Variants in AGBL1 observed in about 807,000 individuals in gnomAD.
The protein encoded by AGBL1 is cytosolic carboxypeptidase 4.
A neutral mutation model predicts 118.9 loss-of-function variants in AGBL1; 130 were observed. The observed-to-expected ratio is 1.09, with a 90% CI of 0.95 to 1.26. The LOEUF (loss-of-function observed/expected upper bound fraction) is 1.26. Ranked by LOEUF, AGBL1 falls within the 50% of genes most tolerant of loss-of-function variation. The pLI, the probability that AGBL1 is intolerant of heterozygous loss-of-function variation, is 0.00. For synonymous variants in AGBL1, 555 were observed against 478.9 expected (o/e 1.16, Z -2.08); for missense variants, 1,584 against 1,298.1 (o/e 1.22, Z -3.38).
rs146323681 is a variant in AGBL1, at chr15:86,620,199, C to G, written c.2995-54074C>G. The stretch of plus-strand genomic sequence containing the variant: ...AAAAGAAAGATCCATGAGGTCACAT[C>G]CAGTCTGTCTCTGGAGGATCAGGGC... On this transcript the variant is annotated intron_variant, in intron 21 of 22. Transcript: ENST00000614907. 3.8e-3 allele frequency among the ~76,000 whole-genome samples: 586 copies of G among 152,272 alleles called. 5 individuals carry two copies. Among genetic ancestry groups the G allele is most frequent in the African/African-American group, 0.014 (577 of 41,552 alleles).
chr15:86,820,136 T>G (rs1046933020), intron 22 of AGBL1, among the ~76,000 whole-genome samples: 1 of 152,150 alleles, frequency 6.6e-6, no homozygotes, highest in African/African-American at 2.4e-5. Context: ...TATACAAAAA[T>G]TAACTCAAGA....
chr15:86,919,696 G>C (rs536142878), downstream of AGBL1, among the ~76,000 whole-genome samples: 10 of 152,240 alleles, frequency 6.6e-5, no homozygotes, highest in South Asian at 8.3e-4. Context: ...CTGTTGCAGA[G>C]AGCAGTTTTT....
At chr15:86,242,131 C>T (rs183472535) in intron 6 of AGBL1, among the ~76,000 whole-genome samples, 99 of 152,258 alleles carry the variant, frequency 6.5e-4, no homozygotes, top group African/African-American at 2.4e-3. Flanking sequence ...TGTGAGGCCT[C>T]CCCAGCCTCA....
chr15:86,608,768 G>C (rs1017872276), intron 21 of AGBL1, among the ~76,000 whole-genome samples: 3 of 152,158 alleles, frequency 2.0e-5, no homozygotes, highest in African/African-American at 7.2e-5. Context: ...CAGATCTTCT[G>C]ATTTTTCAAG....
At chr15:86,472,986 A>G (rs965495668) in intron 18 of AGBL1, among the ~76,000 whole-genome samples, 1 of 152,258 alleles carries the variant, frequency 6.6e-6, no homozygotes, top group Non-Finnish European at 1.5e-5. Context: ...CACAGTTAAT[A>G]TTTTAATGGA....
rs556876782 is a variant in AGBL1, at chr15:86,909,451, G to T, written c.*2157G>T. On this transcript the variant is annotated 3_prime_UTR_variant, in exon 23 of 23. Coordinates refer to ENST00000614907, the MANE Select transcript of AGBL1 (RefSeq NM_001386094.1). Reference sequence around the variant, plus strand: ...ATTAGCTCCAAGGCATAGAAGAAAGGCATCTGTGTTGTGATTTTGGGAGTT... The same window carrying T: ...ATTAGCTCCAAGGCATAGAAGAAAGTCATCTGTGTTGTGATTTTGGGAGTT... The T allele has an allele frequency of 2.6e-5, 4 of 152,194 alleles. No individual in the cohort carries two copies. Among genetic ancestry groups the T allele is most frequent in the Non-Finnish European group, 5.9e-5 (4 of 68,042 alleles). The allele number at this position is 152,194 out of a possible 1,614,324, so 9.4% of individuals were successfully genotyped here.
chr15:86,750,501 A>G (rs2077833557), intron 22 of AGBL1, among the ~76,000 whole-genome samples: 2 of 151,454 alleles, frequency 1.3e-5, no homozygotes, highest in East Asian at 1.9e-4. Context: ...TTTAACAAGC[A>G]ATTGTAGTTG....
At position 86,741,381 on chromosome 15, in the gene AGBL1, C is replaced by CAAAA. The variant is rs570193876; in HGVS notation, c.3158+66982_3158+66985dup. 2.5e-3 allele frequency among the ~76,000 whole-genome samples: 76 copies of CAAAA among 30,504 alleles called. 13 individuals are homozygous for CAAAA. The highest frequency in any genetic ancestry group is 4.7e-3 in the African/African-American group (25 of 5,284). 20.0% of individuals were successfully genotyped at this position (30,504 alleles called of 152,430 possible). On this transcript the variant is annotated intron_variant, in intron 22 of 22. Transcript: ENST00000614907. ...AAGTGAACAGTGGTCTAAGGCAAAGCAAAAAAAAAAAAAAAAAAAAAAAAA... is the reference window on the plus strand; with the variant it reads ...AAGTGAACAGTGGTCTAAGGCAAAGCAAAAAAAAAAAAAAAAAAAAAAAAAAAAA...
In AGBL1 at chr15:86,315,735, AGT is replaced by A. The variant is rs1328364744; in HGVS notation, c.2374+20328_2374+20329del. On this transcript the variant is annotated intron_variant, in intron 17 of 22. Coordinates refer to ENST00000614907, the MANE Select transcript of AGBL1 (RefSeq NM_001386094.1). ...TTTTTCTCAAAAAAAAAAAAAAAAAAGTATATGTAAAACACAGTGCTAGGCAC... is the reference window on the plus strand; with the variant it reads ...TTTTTCTCAAAAAAAAAAAAAAAAAAATATGTAAAACACAGTGCTAGGCAC... Among the ~76,000 whole-genome samples the A allele has an allele frequency of 3.3e-5, 5 of 150,620 alleles. No homozygotes were observed. The East Asian group carries it at 9.7e-4, about 29-fold the overall frequency.
At chr15:86,951,850 A>G (rs995341086) in intron 23 of AGBL1, among the ~76,000 whole-genome samples, 3 of 152,168 alleles carry the variant, frequency 2.0e-5, no homozygotes, top group African/African-American at 7.2e-5. Context: ...TAGGCCTGCT[A>G]TGTCTTCTTC....
intron 18 of AGBL1, among the ~76,000 whole-genome samples, chr15:86,485,637 C>T (rs1316810442): frequency 2.0e-5 from 3 of 152,074 alleles, no homozygotes; most frequent in Non-Finnish European, 2.9e-5. Flanking sequence ...CATCTGATTT[C>T]TGCTCACCCT....
intron 22 of AGBL1, among the ~76,000 whole-genome samples, chr15:86,755,905 G>A (rs1054767985): frequency 6.6e-6 from 1 of 152,142 alleles, no homozygotes; most frequent in South Asian, 2.1e-4. Context: ...ATTGTGCACA[G>A]CTGGATTTGT....
chr15:86,240,880 ATG>A (rs1326360468), intron 6 of AGBL1, among the ~76,000 whole-genome samples: 1 of 152,190 alleles, frequency 6.6e-6, no homozygotes, highest in African/African-American at 2.4e-5. Context: ...TTACTCATAT[ATG>A]TCTTATCAAA....
intron 22 of AGBL1, among the ~76,000 whole-genome samples, chr15:86,843,528 T>G (rs192009925): frequency 6.6e-6 from 1 of 152,020 alleles, no homozygotes; most frequent in African/African-American, 2.4e-5. Context: ...TTTTTTTGTT[T>G]GTATGTTTGG....
Position 86,827,343 on chromosome 15 carries a change from A to G in AGBL1, c.3159-79744A>G, listed in dbSNP as rs1424464661. ...CACACACATATATATATATATGTGTATATATATATATATATATATGTGTGT... is the reference window on the plus strand; with the variant it reads ...CACACACATATATATATATATGTGTGTATATATATATATATATATGTGTGT... On this transcript the variant is annotated intron_variant, in intron 22 of 22. Transcript: ENST00000614907. Among the ~76,000 whole-genome samples the G allele has an allele frequency of 1.5e-3, 15 of 9,700 alleles. 5 individuals carry two copies. Among genetic ancestry groups the G allele is most frequent in the Admixed American group, 3.5e-3 (2 of 576 alleles). The allele number at this position is 9,700 out of a possible 152,430, so 6.4% of individuals were successfully genotyped here.
intron 22 of AGBL1, among the ~76,000 whole-genome samples, chr15:86,841,892 A>G (rs936674400): frequency 6.6e-5 from 10 of 152,292 alleles, no homozygotes; most frequent in African/African-American, 2.4e-4. Flanking sequence ...AGATTTAAAT[A>G]CCAGCTCTAC....
intron 18 of AGBL1, among the ~76,000 whole-genome samples, chr15:86,474,601 C>A (rs1370109669): frequency 6.6e-6 from 1 of 152,242 alleles, no homozygotes; most frequent in African/African-American, 2.4e-5. Context: ...GTGGAGCCCA[C>A]TGCAGCTCAA....
At chr15:86,973,658 T>G (rs2081133901) in intron 23 of AGBL1, among the ~76,000 whole-genome samples, 1 of 151,752 alleles carries the variant, frequency 6.6e-6, no homozygotes, top group African/African-American at 2.4e-5. Flanking sequence ...TCCAGCAACT[T>G]CTATTCTCCA....
intron 6 of AGBL1, among the ~76,000 whole-genome samples, chr15:86,244,739 GAA>G (rs1343878052): frequency 6.6e-6 from 1 of 152,090 alleles, no homozygotes; most frequent in Non-Finnish European, 1.5e-5. Context: ...TCTTAAAACA[GAA>G]AAAAGACAAA....
Sources: allele counts gnomAD v4.1 joint callset (sites outside exome capture counted in the v4.1 genomes callset), GRCh38; gene constraint gnomAD v4.1.1; transcripts MANE v1.5; gene names NCBI Gene and HGNC (gene_info 2026-07-23, HGNC 2026-07-21).